The following ARHGAP6 variants were observed in gnomAD, a reference collection of about 807,000 sequenced individuals.
The protein encoded by ARHGAP6 is rho GTPase-activating protein 6.
Under a neutral mutation model 55.7 loss-of-function variants are expected in ARHGAP6, and 16 were observed. The observed-to-expected ratio is 0.29, with a 90% CI of 0.19 to 0.44. The LOEUF (loss-of-function observed/expected upper bound fraction) is 0.44. Among genes scored for constraint, ARHGAP6 ranks in the 20% least tolerant of loss-of-function variants. ARHGAP6 has a pLI of 1.00. For synonymous variants in ARHGAP6, 382 were observed against 360.9 expected (o/e 1.06, Z -0.66); for missense variants, 698 against 808.9 (o/e 0.86, Z 1.66).
intron 1 of ARHGAP6, among the ~76,000 whole-genome samples, chrX:11,594,502 T>A (rs1419859996): frequency 1.8e-5 from 2 of 111,554 alleles, no homozygotes; most frequent in Admixed American, 1.9e-4. Flanking sequence ...TGTGGCCTGT[T>A]AGGAACCAGG....
intron 1 of ARHGAP6, among the ~76,000 whole-genome samples, chrX:11,635,607 G>T (rs1444258708): frequency 9.0e-6 from 1 of 111,188 alleles, no homozygotes; most frequent in Non-Finnish European, 1.9e-5. Context: ...CAAACATCGG[G>T]TGACTAAATG....
At chrX:11,417,059 CATATATATAT>C (rs768174897) in intron 1 of ARHGAP6, among the ~76,000 whole-genome samples, 1,191 of 33,342 alleles carry the variant, frequency 0.036, 66 homozygotes, top group Admixed American at 0.18. Context: ...TGGGTGTGTA[CATATATATAT>C]ATATATATAT....
chrX:11,613,401 A>T (rs1029132882), intron 1 of ARHGAP6, among the ~76,000 whole-genome samples: 3 of 112,388 alleles, frequency 2.7e-5, no homozygotes, highest in African/African-American at 9.7e-5. Context: ...TTCTGGAATG[A>T]TGCATATATA....
chrX:11,594,537 C>T (rs772073562), intron 1 of ARHGAP6, among the ~76,000 whole-genome samples: 6 of 111,058 alleles, frequency 5.4e-5, no homozygotes, highest in Admixed American at 1.9e-4. Flanking sequence ...GTGAGCGTTG[C>T]GTGAGTGAAC....
At chrX:11,275,726 T>C (rs866152881) in intron 1 of ARHGAP6, among the ~76,000 whole-genome samples, 2 of 111,616 alleles carry the variant, frequency 1.8e-5, no homozygotes, top group South Asian at 7.5e-4. Flanking sequence ...CTCTTGGGCT[T>C]CACCAAGCCT....
intron 1 of ARHGAP6, among the ~76,000 whole-genome samples, chrX:11,620,687 C>T (rs11796838): frequency 0.046 from 5,179 of 112,207 alleles, 135 homozygotes; most frequent in Non-Finnish European, 0.071. Flanking sequence ...GTTTTACCAC[C>T]GGTTATCAAG....
At chrX:11,181,028 C>T (rs1248946675) in intron 6 of ARHGAP6, among the ~76,000 whole-genome samples, 1 of 112,421 alleles carries the variant, frequency 8.9e-6, no homozygotes, top group Non-Finnish European at 1.9e-5. Context: ...AAAGGGGCTA[C>T]ACTCACAGCC....
At chrX:11,606,617 G>C (rs962702561) in intron 1 of ARHGAP6, among the ~76,000 whole-genome samples, 10 of 111,542 alleles carry the variant, frequency 9.0e-5, no homozygotes, top group Non-Finnish European at 1.9e-4. Flanking sequence ...CTTAGACACA[G>C]TCCAGGGAAC....
chrX:11,270,153 G>T (rs2047675066), intron 1 of ARHGAP6, among the ~76,000 whole-genome samples: 1 of 112,171 alleles, frequency 8.9e-6, no homozygotes, highest in South Asian at 3.7e-4. Context: ...CACACAACTG[G>T]CAAGTAAAGA....
intron 1 of ARHGAP6, among the ~76,000 whole-genome samples, chrX:11,589,044 A>ATTT (rs200264647): frequency 2.1e-5 from 2 of 96,568 alleles, no homozygotes; most frequent in African/African-American, 7.7e-5. Context: ...CTGCATTGGA[A>ATTT]TTTTTTTTTT....
chrX:11,169,354 A>G (rs1156236318), intron 9 of ARHGAP6, 151 bp downstream of exon 9: 1 of 430,988 alleles, frequency 2.3e-6, no homozygotes, highest in East Asian at 4.4e-5. Flanking sequence ...TAGTTGTGCA[A>G]ATTTCTACTC....
intron 1 of ARHGAP6, among the ~76,000 whole-genome samples, chrX:11,403,300 G>T (rs1434246273): frequency 9.0e-6 from 1 of 111,231 alleles, no homozygotes; most frequent in African/African-American, 3.3e-5. Context: ...TCATCTTTTG[G>T]TTGCTCATTC....
intron 1 of ARHGAP6, among the ~76,000 whole-genome samples, chrX:11,269,416 T>A (rs1373027706): frequency 3.6e-5 from 4 of 112,097 alleles, no homozygotes; most frequent in Non-Finnish European, 7.5e-5. Context: ...ATATTTCTAA[T>A]GACATCCTTC....
intron 1 of ARHGAP6, among the ~76,000 whole-genome samples, chrX:11,526,931 A>C (rs1478638698): frequency 9.0e-6 from 1 of 110,633 alleles, no homozygotes; most frequent in Non-Finnish European, 1.9e-5. Flanking sequence ...TCCATAATTT[A>C]AAAGTTTAGA....
chrX:11,192,901 A>G (rs1416115530), intron 3 of ARHGAP6, among the ~76,000 whole-genome samples: 7 of 112,619 alleles, frequency 6.2e-5, no homozygotes. Context: ...TAATTTTAAA[A>G]TTACTTTTGA....
At chrX:11,510,521 A>C (rs2147866255) in intron 1 of ARHGAP6, among the ~76,000 whole-genome samples, 1 of 111,506 alleles carries the variant, frequency 9.0e-6, no homozygotes, top group Non-Finnish European at 1.9e-5. Context: ...ACAGCTATGA[A>C]AAAAGCTGCT....
intron 1 of ARHGAP6, among the ~76,000 whole-genome samples, chrX:11,644,597 A>G (rs980833870): frequency 3.1e-4 from 34 of 110,893 alleles, no homozygotes; most frequent in African/African-American, 9.8e-4. Context: ...AGCATCATCA[A>G]CTGTTAGGGA....
At chrX:11,245,278 C>T (rs919500651) in intron 2 of ARHGAP6, among the ~76,000 whole-genome samples, 2 of 111,912 alleles carry the variant, frequency 1.8e-5, no homozygotes, top group African/African-American at 6.5e-5. Context: ...TCTATCGCAG[C>T]TAGACCTTAA....
intron 1 of ARHGAP6, among the ~76,000 whole-genome samples, chrX:11,563,667 C>T (rs1030828005): frequency 5.1e-4 from 57 of 110,823 alleles, no homozygotes; most frequent in Middle Eastern, 9.3e-3. Flanking sequence ...CAATCAAGTT[C>T]CTAATTTCAC....
Sources: gnomAD v4.1 joint callset for allele counts (sites outside exome capture counted in the v4.1 genomes callset) on GRCh38, gnomAD v4.1.1 for gene constraint, MANE v1.5 for transcripts, NCBI Gene and HGNC (gene_info 2026-07-23, HGNC 2026-07-21) for gene names.